GREB1: variants seen among roughly 807,000 people sequenced by gnomAD.
GREB1 encodes the protein protein GREB1.
In GREB1, 106 loss-of-function variants were observed where a neutral mutation model predicts 200.7. The observed-to-expected ratio is 0.53, with a 90% CI of 0.45 to 0.62. The LOEUF (loss-of-function observed/expected upper bound fraction) is 0.62. GREB1 is among the 20% of genes least tolerant of loss of function. The pLI is 0.00. For missense variants in GREB1, 2,243 were observed against 2,556.8 expected (o/e 0.88, Z 2.65); for synonymous variants, 1,132 against 1,092.4 (o/e 1.04, Z -0.72).
At position 11,627,061 on chromosome 2, in the gene GREB1, G is replaced by C; in HGVS notation, c.4406G>C (p.Cys1469Ser). 1 of 1,613,428 alleles carries C rather than the reference G, an allele frequency of 6.2e-7. No homozygotes were observed. Among genetic ancestry groups the C allele is most frequent in the Non-Finnish European group, 8.5e-7 (1 of 1,179,588 alleles). Residue 1469 changes from cysteine (C) to serine (S), a missense_variant, in exon 25 of 33, where the codon TGT (cysteine) becomes TCT (serine). By Grantham distance (112) the Cys-to-Ser change is moderately radical. Coordinates refer to ENST00000381486, the MANE Select transcript of GREB1 (RefSeq NM_014668.4). ...KYAAYNTYHHCEQCHQYMGFH... is the reference protein window; with the variant it reads ...KYAAYNTYHHSEQCHQYMGFH... ...GCAGCGTACAACACTTACCACCACT[G>C]TGAGCAGTGCCACCAGTACATGGGC... is the stretch of plus-strand genomic sequence containing the variant.
In GREB1 at chr2:11,634,035, C is replaced by T. The variant is rs577133002; in HGVS notation, c.4992-96C>T. On this transcript the variant is annotated intron_variant, in intron 28 of 32. Coordinates refer to ENST00000381486, the MANE Select transcript of GREB1 (RefSeq NM_014668.4). ...GGGCACCGGCCCGTCCAGGTGTTCA[C>T]GGCAGTCTGAGAGCCGGTGCCACAC... is the stretch of plus-strand genomic sequence containing the variant. 51 of 1,159,268 alleles carry T rather than the reference C, an allele frequency of 4.4e-5. No individual in the cohort carries two copies. The East Asian group carries it at 5.8e-4, about 13-fold the overall frequency. 71.8% of individuals were successfully genotyped at this position (1,159,268 alleles called of 1,614,324 possible). A position where few individuals can be genotyped will look rare whatever the true frequency, so the allele number is the denominator to read the frequency against.
At chr2:11,488,705 G>A (rs1218901260) in intron 1 of GREB1, among the ~76,000 whole-genome samples, 1 of 150,820 alleles carries the variant, frequency 6.6e-6, no homozygotes, top group East Asian at 2.0e-4. Flanking sequence ...GCAGGAGAGT[G>A]GCTTGAATTT....
At chr2:11,575,114 C>G (rs543263239) in intron 4 of GREB1, among the ~76,000 whole-genome samples, 1 of 152,334 alleles carries the variant, frequency 6.6e-6, no homozygotes, top group East Asian at 1.9e-4. Flanking sequence ...CTTAGGGAAA[C>G]TGTTTTAGAG....
intron 1 of GREB1, among the ~76,000 whole-genome samples, chr2:11,519,267 A>G (rs1298578958): frequency 6.6e-6 from 1 of 152,042 alleles, no homozygotes. Flanking sequence ...GTTGGTAATA[A>G]GGGCTATCTG....
At chr2:11,581,493 AG>A (rs1467458981) in intron 7 of GREB1, among the ~76,000 whole-genome samples, 3 of 152,102 alleles carry the variant, frequency 2.0e-5, no homozygotes, top group African/African-American at 7.2e-5. Context: ...GGGAGCAAAG[AG>A]GGAATGAGGA....
chr2:11,637,948 T>C (rs747052935), intron 31 of GREB1, 32 bp downstream of exon 31: 2 of 1,553,260 alleles, frequency 1.3e-6, no homozygotes, highest in Non-Finnish European at 1.8e-6. Flanking sequence ...GTCGAATCCC[T>C]AATTCAGAGA....
At chr2:11,602,284 T>G in intron 16 of GREB1, 122 bp from the exon 17 acceptor site, 1 of 792,070 alleles carries the variant, frequency 1.3e-6, no homozygotes, top group Non-Finnish European at 2.2e-6. Context: ...TCCAAGCCAC[T>G]GCACAGTGGG....
At chr2:11,495,368 A>AT (rs1009149860) in intron 1 of GREB1, among the ~76,000 whole-genome samples, 9 of 152,262 alleles carry the variant, frequency 5.9e-5, no homozygotes, top group Admixed American at 3.3e-4. Context: ...TGAACCTGCC[A>AT]TTTTTGTAGG....
At chr2:11,529,913 A>AT (rs1367579314), upstream of GREB1, among the ~76,000 whole-genome samples, 1 of 152,202 alleles carries the variant, frequency 6.6e-6, no homozygotes, top group African/African-American at 2.4e-5. Flanking sequence ...AAATGAAACA[A>AT]TATGTTTCTT....
At chr2:11,521,054 A>G (rs563398236) in intron 1 of GREB1, among the ~76,000 whole-genome samples, 1 of 152,256 alleles carries the variant, frequency 6.6e-6, no homozygotes, top group African/African-American at 2.4e-5. Context: ...CCAGGCATGT[A>G]TAGGCAACTC....
At chr2:11,603,547 G>A (rs751054837) in intron 17 of GREB1, among the ~76,000 whole-genome samples, 13 of 152,238 alleles carry the variant, frequency 8.5e-5, no homozygotes, top group Non-Finnish European at 1.8e-4. Context: ...TAATTCTCCA[G>A]AAGGCTAGAG....
At chr2:11,490,288 C>T (rs918501068) in intron 1 of GREB1, among the ~76,000 whole-genome samples, 1 of 152,152 alleles carries the variant, frequency 6.6e-6, no homozygotes, top group African/African-American at 2.4e-5. Flanking sequence ...GTGGATATTT[C>T]ATATAAATGG....
chr2:11,497,013 T>C (rs1672906568), intron 1 of GREB1, among the ~76,000 whole-genome samples: 1 of 152,114 alleles, frequency 6.6e-6, no homozygotes, highest in Non-Finnish European at 1.5e-5. Context: ...CCCAGGCTGG[T>C]CTTGAACTCC....
chr2:11,519,486 G>A (rs1353794797), intron 1 of GREB1, among the ~76,000 whole-genome samples: 10 of 106,102 alleles, frequency 9.4e-5, no homozygotes, highest in South Asian at 3.0e-4. Context: ...GCAGAGTTTC[G>A]CTCTTGTCGC....
In GREB1 at chr2:11,552,976, C is replaced by G. The variant is rs566555865; in HGVS notation, c.-161-3478C>G. Among the ~76,000 whole-genome samples, 19 of 142,216 alleles carry G rather than the reference C, an allele frequency of 1.3e-4. No homozygotes were observed. In the East Asian group the frequency reaches 2.3e-3, roughly 17 times the overall value. The allele number at this position is 142,216 out of a possible 152,430, so 93.3% of individuals were successfully genotyped here. On this transcript the variant is annotated intron_variant, in intron 1 of 32. Transcript: ENST00000381486. ...AGTGAGTCGAGATCGCGCCACTGCACTCCAGCCTGGGCGACAGAGCGAAAC... is the reference window on the plus strand; with the variant it reads ...AGTGAGTCGAGATCGCGCCACTGCAGTCCAGCCTGGGCGACAGAGCGAAAC...
intron 17 of GREB1, among the ~76,000 whole-genome samples, chr2:11,604,912 C>T (rs1682109552): frequency 6.6e-6 from 1 of 152,152 alleles, no homozygotes; most frequent in Non-Finnish European, 1.5e-5. Flanking sequence ...GCTGGGAAAA[C>T]TGCTTGTAGG....
At position 11,580,637 on chromosome 2, in the gene GREB1, C is replaced by T; in HGVS notation, c.773-67C>T. On this transcript the variant is annotated intron_variant, in intron 6 of 32. Transcript: ENST00000381486. This position sits in a 1 kb window ranked among gnomAD's most constrained non-coding sequence, Gnocchi z 4.5. ...GTGAAACTGCAAGGAAAATGATTTC[C>T]TCCTTGCCTGGCTCCCAGGGCATTC... 2 of 1,522,146 alleles carry T rather than the reference C, an allele frequency of 1.3e-6. No individual in the cohort carries two copies. Among genetic ancestry groups the T allele is most frequent in the African/African-American group, 1.4e-5 (1 of 72,450 alleles). 94.3% of individuals were successfully genotyped at this position (1,522,146 alleles called of 1,614,324 possible). A position where few individuals can be genotyped will look rare whatever the true frequency, so the allele number is the denominator to read the frequency against.
intron 31 of GREB1, among the ~76,000 whole-genome samples, chr2:11,638,358 C>G (rs1350604195): frequency 6.6e-6 from 1 of 152,166 alleles, no homozygotes; most frequent in Non-Finnish European, 1.5e-5. Context: ...CCAGGCTGGT[C>G]TCCAACTCCT....
At chr2:11,490,258 C>T (rs1369562446) in intron 1 of GREB1, among the ~76,000 whole-genome samples, 2 of 152,122 alleles carry the variant, frequency 1.3e-5, no homozygotes, top group Non-Finnish European at 2.9e-5. Context: ...CCTTTTGCCT[C>T]TATGGCAGAT....
Sources: allele counts gnomAD v4.1 joint callset (sites outside exome capture counted in the v4.1 genomes callset), GRCh38; gene constraint gnomAD v4.1.1; non-coding constraint Gnocchi (gnomAD v3.1); transcripts MANE v1.5; gene names NCBI Gene and HGNC (gene_info 2026-07-23, HGNC 2026-07-21).